Variants in CROCC2 observed in about 807,000 individuals in gnomAD.
The protein encoded by CROCC2 is ciliary rootlet coiled-coil, rootletin family member 2.
Under a neutral mutation model 177.6 loss-of-function variants are expected in CROCC2, and 163 were observed. The ratio of observed to expected loss-of-function variants is 0.92; its 90% confidence interval spans 0.81 to 1.05. The LOEUF is 1.05. CROCC2 is among the 50% of genes least tolerant of loss of function. CROCC2 has a pLI of 0.00. For missense variants in CROCC2, 1,929 were observed against 1,797.8 expected, an observed-to-expected ratio of 1.07 and a Z score of -1.32; for synonymous variants, 904 against 787.3, an observed-to-expected ratio of 1.15 and a Z score of -2.48.
Position 240,934,464 on chromosome 2 carries a change from G to T in CROCC2, c.1780G>T (p.Ala594Ser). 6.5e-7 allele frequency: 1 copy of T among 1,547,988 alleles called. No homozygotes were observed. Among genetic ancestry groups the T allele is most frequent in the Non-Finnish European group, 8.7e-7 (1 of 1,146,636 alleles). Reference sequence around the variant, plus strand: ...GAGTGAGAGGGAGGGACTGCGCAGCGCCCTGGCGCGGGTACACTCTGCTCC... The same window carrying T: ...GAGTGAGAGGGAGGGACTGCGCAGCTCCCTGGCGCGGGTACACTCTGCTCC... ...VESEREGLRS[A>S]LARAECSNAD... Residue 594 changes from alanine (A) to serine (S), a missense_variant, in exon 12 of 32, where the codon GCC (alanine) becomes TCC (serine). Transcript: ENST00000690015.
In CROCC2 at chr2:240,946,078, G is replaced by T; in HGVS notation, c.2188G>T (p.Ala730Ser). ...QVGQVTCQKQALEEQLAQSLQ... is the reference protein window; with the variant it reads ...QVGQVTCQKQSLEEQLAQSLQ... ...CCCCTAGGTCACATGCCAGAAACAG[G>T]CCCTGGAGGAGCAGCTGGCTCAGAG... The change falls in exon 15 of 32, where the codon GCC (alanine) becomes TCC (serine). Residue 730 changes from alanine to serine, a missense_variant. Transcript: ENST00000690015. 1 of 1,523,090 alleles carries T rather than the reference G, an allele frequency of 6.6e-7. No homozygotes were observed. Among genetic ancestry groups the T allele is most frequent in the Non-Finnish European group, 8.9e-7 (1 of 1,125,974 alleles). The allele number at this position is 1,523,090 out of a possible 1,614,324, so 94.3% of individuals were successfully genotyped here.
rs10210734 is a variant in CROCC2 at position 240,989,876 on chromosome 2, G to A, written c.4863+43G>A. ...GCCCCCTGGGTGAGGGAAGAGGCAG[G>A]GACAGAGGACTGGCATCCCCGCAGT... On this transcript the variant is annotated intron_variant, in intron 30 of 31. Coordinates refer to ENST00000690015, the MANE Select transcript of CROCC2 (RefSeq NM_001351305.2). The A allele has an allele frequency of 8.9e-3, 13,352 of 1,491,898 alleles. 831 individuals carry two copies. The African/African-American group carries it at 0.15, about 17-fold the overall frequency. The allele number at this position is 1,491,898 out of a possible 1,614,324, so 92.4% of individuals were successfully genotyped here. A position where few individuals can be genotyped will look rare whatever the true frequency, so the allele number is the denominator to read the frequency against.
At chr2:240,952,173 C>T (rs969548126) in intron 18 of CROCC2, among the ~76,000 whole-genome samples, 7 of 152,150 alleles carry the variant, frequency 4.6e-5, no homozygotes, top group Admixed American at 3.9e-4. Flanking sequence ...TAGTGAAACC[C>T]AGTCTCTACT....
intron 29 of CROCC2, among the ~76,000 whole-genome samples, 177 bp downstream of exon 29, chr2:240,989,047 C>T (rs1386417836): frequency 6.6e-6 from 1 of 152,142 alleles, no homozygotes; most frequent in African/African-American, 2.4e-5. Context: ...CAGACCAAGG[C>T]CCCAGGCAGA....
chr2:240,934,497 C>A, intron 12 of CROCC2, 22 bp downstream of exon 12: 2 of 1,542,324 alleles, frequency 1.3e-6, no homozygotes, highest in Non-Finnish European at 1.7e-6. Flanking sequence ...TCCCCACAAC[C>A]CCGCCCCCTC....
chr2:240,983,260 A>T, intron 28 of CROCC2: 1 of 937,558 alleles, frequency 1.1e-6, no homozygotes, highest in African/African-American at 1.7e-5. Flanking sequence ...AGGGGGCTGG[A>T]TTTCTTGCCG....
intron 28 of CROCC2, among the ~76,000 whole-genome samples, chr2:240,986,259 T>C (rs1394818079): frequency 2.0e-5 from 3 of 151,744 alleles, no homozygotes; most frequent in Non-Finnish European, 4.4e-5. Flanking sequence ...GAGGCCAGAG[T>C]CCCCGCGGAA....
Position 240,950,474 on chromosome 2 carries a change from C to A in CROCC2, c.2793C>A (p.Asp931Glu), listed in dbSNP as rs867857545. ...GEIQSLKQER[D>E]ESLLQLEHKM... is the part of the protein sequence containing the mutation. ...TTCAGAGCCTGAAGCAGGAGCGGGACGAGAGCCTTCTCCAACTGGAGCACA... is the reference window on the plus strand; with the variant it reads ...TTCAGAGCCTGAAGCAGGAGCGGGAAGAGAGCCTTCTCCAACTGGAGCACA... Residue 931 changes from aspartate to glutamate, a missense_variant, in exon 18 of 32, where the codon GAC (aspartate) becomes GAA (glutamate). This residue lies in a region of CROCC2 where 1,397 missense variants were observed against 1,239.9 expected (regional missense o/e 1.13). Transcript: ENST00000690015. 96 of 1,550,072 alleles carry A rather than the reference C, an allele frequency of 6.2e-5. 1 individual carries two copies. The Admixed American group carries it at 1.4e-3, about 23-fold the overall frequency.
Position 240,993,237 on chromosome 2 carries a change from T to G in CROCC2, c.*156T>G. The G allele has an allele frequency of 1.7e-6, 1 of 574,726 alleles. No homozygotes were observed. Among genetic ancestry groups the G allele is most frequent in the Non-Finnish European group, 3.2e-6 (1 of 312,442 alleles). 35.6% of individuals were successfully genotyped at this position (574,726 alleles called of 1,614,324 possible). On this transcript the variant is annotated 3_prime_UTR_variant, in exon 32 of 32. Transcript: ENST00000690015. ...GTTTCAGGACCCTCCTTGCCCTGGC[T>G]GCTCATGGGGAACATTTGAAATGCA...
In CROCC2 at chr2:240,951,965, C is replaced by T. The variant is rs1052754007; in HGVS notation, c.2829+1455C>T. On this transcript the variant is annotated intron_variant, in intron 18 of 31. Coordinates refer to ENST00000690015, the MANE Select transcript of CROCC2 (RefSeq NM_001351305.2). Reference sequence around the variant, plus strand: ...GCTGTTCCAGTATATCATGCTACCCCGAAGAATTCACTGTTGAGTGAAAGG... The same window carrying T: ...GCTGTTCCAGTATATCATGCTACCCTGAAGAATTCACTGTTGAGTGAAAGG... Among the ~76,000 whole-genome samples the T allele has an allele frequency of 2.6e-5, 4 of 152,176 alleles. 1 individual carries two copies. Among genetic ancestry groups the T allele is most frequent in the South Asian group, 4.1e-4 (2 of 4,830 alleles).
Position 240,946,107 on chromosome 2 carries a change from G to A in CROCC2, c.2217G>A (p.Leu739=), listed in dbSNP as rs976469003. Residue 739 remains leucine, a synonymous_variant, in exon 15 of 32, where the codon CTG becomes CTA. Coordinates refer to ENST00000690015, the MANE Select transcript of CROCC2 (RefSeq NM_001351305.2). The part of the protein sequence containing the change: ...QALEEQLAQS[L]QDQEAQMGTL... The stretch of plus-strand genomic sequence containing the variant: ...TGGAGGAGCAGCTGGCTCAGAGCCT[G>A]CAGGACCAGGAGGCCCAGATGGGCA... The A allele has an allele frequency of 1.6e-5, 24 of 1,537,846 alleles. No homozygotes were observed. In the African/African-American group the frequency reaches 2.6e-4, roughly 17 times the overall value.
intron 20 of CROCC2, among the ~76,000 whole-genome samples, chr2:240,961,391 C>T (rs760358787): frequency 1.3e-5 from 2 of 152,066 alleles, no homozygotes; most frequent in Non-Finnish European, 2.9e-5. Flanking sequence ...ACAGTGCACA[C>T]AGGCGTGCAC....
intron 1 of CROCC2, among the ~76,000 whole-genome samples, chr2:240,910,282 C>A (rs1409479595): frequency 6.9e-6 from 1 of 144,740 alleles, no homozygotes; most frequent in Non-Finnish European, 1.5e-5. Context: ...GCACCCAGAC[C>A]CGCAGCTGAT....
At chr2:240,989,973 A>G in intron 30 of CROCC2, 140 bp downstream of exon 30, 1 of 778,772 alleles carries the variant, frequency 1.3e-6, no homozygotes, top group Non-Finnish European at 2.0e-6. Context: ...TGGGCTCCAG[A>G]CCTGCTCCGG....
In CROCC2 at chr2:240,959,373, C is replaced by A. The variant is rs2059615594; in HGVS notation, c.3016C>A (p.Gln1006Lys). ...GTTTGAGGATGCCATCACAGCCCAT[C>A]AGAGGGAGACCACGGCCCTACGCGA... ...AQFEDAITAH[Q>K]RETTALRESL... Residue 1006 changes from glutamine (Q) to lysine (K), a missense_variant, in exon 20 of 32, where the codon CAG (glutamine) becomes AAG (lysine). Around this residue, in one of 3 missense-constraint regions of CROCC2, gnomAD observed 1,397 missense variants for 1,239.9 expected, o/e 1.13. Coordinates refer to ENST00000690015, the MANE Select transcript of CROCC2 (RefSeq NM_001351305.2). The A allele has an allele frequency of 6.4e-7, 1 of 1,550,402 alleles. No individual in the cohort carries two copies. The highest frequency in any genetic ancestry group is 1.2e-5 in the South Asian group (1 of 84,056).
rs988413570 is a variant in CROCC2, at chr2:240,959,403, C to T, written c.3046C>T (p.Leu1016Phe). The T allele has an allele frequency of 1.2e-4, 182 of 1,550,502 alleles. 1 individual carries two copies. The highest frequency in any genetic ancestry group is 5.2e-6 in the Non-Finnish European group (6 of 1,146,926). Residue 1016 changes from leucine to phenylalanine, a missense_variant, in exon 20 of 32, where the codon CTC (leucine) becomes TTC (phenylalanine). Leu to Phe is a conservative substitution (Grantham distance 22, BLOSUM62 0). Transcript: ENST00000690015. ...GGAGACCACGGCCCTACGCGAGAGCCTCCAGGACCTAGCGGCTGAGCGGGG... is the reference window on the plus strand; with the variant it reads ...GGAGACCACGGCCCTACGCGAGAGCTTCCAGGACCTAGCGGCTGAGCGGGG... ...QRETTALRES[L>F]QDLAAERGDV... is the part of the protein sequence containing the mutation.
Position 240,946,223 on chromosome 2 carries a change from G to A in CROCC2, c.2333G>A (p.Arg778Gln), listed in dbSNP as rs537774664. The stretch of plus-strand genomic sequence containing the variant: ...CAGGAGGCCTTGGAGAGGCAGGGCC[G>A]GCTCGCAGCTGAAGAGGCAGCTGAT... ...AKQEALERQGRLAAEEAADLR... is the reference protein window; with the variant it reads ...AKQEALERQGQLAAEEAADLR... Residue 778 changes from arginine to glutamine, a missense_variant, in exon 15 of 32, where the codon CGG (arginine) becomes CAG (glutamine). Around this residue, in one of 3 missense-constraint regions of CROCC2, gnomAD observed 1,397 missense variants for 1,239.9 expected, o/e 1.13. Transcript: ENST00000690015. The A allele has an allele frequency of 1.2e-5, 18 of 1,540,162 alleles. No individual in the cohort carries two copies. The highest frequency in any genetic ancestry group is 8.2e-5 in the African/African-American group (6 of 73,018).
intron 27 of CROCC2, among the ~76,000 whole-genome samples, chr2:240,970,859 T>C (rs1486541079): frequency 2.6e-5 from 4 of 152,130 alleles, no homozygotes; most frequent in African/African-American, 9.7e-5. Flanking sequence ...GTCCCATAGG[T>C]GAGAAGCCTG....
At chr2:240,957,356 A>C (rs1285601201) in intron 19 of CROCC2, 1 of 152,268 alleles carries the variant, frequency 6.6e-6, no homozygotes, top group African/African-American at 2.4e-5. Context: ...AGGGTTGGAC[A>C]CCTACCTGAC....
Sources: gnomAD v4.1 joint callset for allele counts (sites outside exome capture counted in the v4.1 genomes callset) on GRCh38, gnomAD v4.1.1 for gene constraint, gnomAD v4.1.1 regional missense constraint, MANE v1.5 for transcripts, NCBI Gene and HGNC (gene_info 2026-07-23, HGNC 2026-07-21) for gene names.